The following KCNAB1 variants were observed in gnomAD, a reference collection of about 807,000 sequenced individuals.
KCNAB1 encodes potassium voltage-gated channel subfamily A regulatory beta subunit 1, also known as voltage-gated potassium channel subunit beta-1.
KCNAB1 carries 35 observed loss-of-function variants against 64.6 expected under a neutral mutation model. The ratio of observed to expected loss-of-function variants is 0.54; its 90% CI spans 0.41 to 0.72. The LOEUF is 0.72. KCNAB1 is among the 30% of genes least tolerant of loss of function. The pLI, the probability that KCNAB1 is intolerant of heterozygous loss-of-function variation, is 0.00. For synonymous variants in KCNAB1, 177 were observed against 183.8 expected, an observed-to-expected ratio of 0.96 and a Z score of 0.30; for missense variants, 401 against 512.9, an observed-to-expected ratio of 0.78 and a Z score of 2.11.
At position 156,538,221 on chromosome 3, in the gene KCNAB1, CATTT is replaced by C. The variant is rs1015383842; in HGVS notation, c.*1476_*1479del. 6 of 151,872 alleles carry C rather than the reference CATTT, an allele frequency of 4.0e-5. No individual in the cohort carries two copies. The highest frequency in any genetic ancestry group is 1.5e-4 in the African/African-American group (6 of 41,378). The allele number at this position is 151,872 out of a possible 1,614,324, so 9.4% of individuals were successfully genotyped here. On this transcript the variant is annotated 3_prime_UTR_variant, in exon 14 of 14. Coordinates refer to ENST00000490337, the MANE Select transcript of KCNAB1 (RefSeq NM_172160.3). Reference sequence around the variant, plus strand: ...GCTATCTGAGGATGTACAAAATTCTCATTTAATTTTCTGGTCAGCAAGTTCCCCA... The same window carrying C: ...GCTATCTGAGGATGTACAAAATTCTCAATTTTCTGGTCAGCAAGTTCCCCA...
At chr3:156,485,751 C>T (rs1715158962) in intron 8 of KCNAB1, among the ~76,000 whole-genome samples, 1 of 152,086 alleles carries the variant, frequency 6.6e-6, no homozygotes, top group African/African-American at 2.4e-5. Context: ...CTGCCACCCT[C>T]CCCTCTTTTG....
chr3:156,243,050 C>T (rs879738514), intron 1 of KCNAB1, among the ~76,000 whole-genome samples: 8 of 151,886 alleles, frequency 5.3e-5, no homozygotes, highest in Non-Finnish European at 7.4e-5. Context: ...GCTGAGATTA[C>T]AGGCATGTGC....
intron 1 of KCNAB1, among the ~76,000 whole-genome samples, chr3:156,233,374 G>A (rs1009219049): frequency 2.0e-5 from 3 of 152,118 alleles, no homozygotes; most frequent in Non-Finnish European, 4.4e-5. Context: ...AAGACCCAAA[G>A]GAGATAGGAA....
At chr3:156,467,489 A>G (rs940642218) in intron 7 of KCNAB1, among the ~76,000 whole-genome samples, 29 of 152,116 alleles carry the variant, frequency 1.9e-4, no homozygotes, top group African/African-American at 6.5e-4. Flanking sequence ...ATAGATAAGG[A>G]AGCCAGGTTC....
intron 1 of KCNAB1, among the ~76,000 whole-genome samples, chr3:156,218,801 A>AAAAATAAT (rs371264941): frequency 8.9e-5 from 10 of 112,206 alleles, no homozygotes; most frequent in Non-Finnish European, 1.2e-4. Context: ...AAAAAAAAAA[A>AAAAATAAT]AATAATAATA....
intron 1 of KCNAB1, among the ~76,000 whole-genome samples, chr3:156,145,770 T>C (rs1429098111): frequency 6.6e-6 from 1 of 152,210 alleles, no homozygotes; most frequent in East Asian, 1.9e-4. Flanking sequence ...AAATGTCTAA[T>C]ACAGTAGGTG....
intron 1 of KCNAB1, among the ~76,000 whole-genome samples, chr3:156,168,950 A>G (rs1711782523): frequency 6.6e-6 from 1 of 152,188 alleles, no homozygotes; most frequent in Non-Finnish European, 1.5e-5. Context: ...ACTCTGATGA[A>G]GATGTTCTTT....
At chr3:156,422,540 G>C (rs1029504878) in intron 2 of KCNAB1, among the ~76,000 whole-genome samples, 1 of 152,220 alleles carries the variant, frequency 6.6e-6, no homozygotes, top group African/African-American at 2.4e-5. Context: ...GATGAAGTAT[G>C]AGTAAATGAG....
chr3:156,416,556 G>A (rs1036581299), intron 1 of KCNAB1, among the ~76,000 whole-genome samples: 2 of 151,598 alleles, frequency 1.3e-5, no homozygotes, highest in Admixed American at 1.3e-4. Context: ...GCTTTCTGAG[G>A]GTCCCAATTT....
intron 1 of KCNAB1, among the ~76,000 whole-genome samples, chr3:156,370,537 G>A (rs536479024): frequency 1.8e-4 from 28 of 152,218 alleles, no homozygotes; most frequent in Non-Finnish European, 3.2e-4. Context: ...TGAGGGTTCT[G>A]ATGTGGCATT....
chr3:156,329,117 A>G (rs3755627), intron 1 of KCNAB1, among the ~76,000 whole-genome samples: 3 of 151,946 alleles, frequency 2.0e-5, no homozygotes, highest in African/African-American at 7.3e-5. Flanking sequence ...TCAACTTGAG[A>G]TCTCTAATAT....
chr3:156,487,799 C>G (rs999125667), intron 8 of KCNAB1, among the ~76,000 whole-genome samples: 1 of 151,988 alleles, frequency 6.6e-6, no homozygotes, highest in South Asian at 2.1e-4. Flanking sequence ...ACCCAATAAC[C>G]ACTTTAAAAT....
chr3:156,211,984 G>C (rs1715035939), intron 1 of KCNAB1, among the ~76,000 whole-genome samples: 1 of 152,198 alleles, frequency 6.6e-6, no homozygotes, highest in African/African-American at 2.4e-5. Context: ...GGCTAATGTG[G>C]CTGCACAGAG....
chr3:156,297,081 A>G (rs1398405616), intron 1 of KCNAB1, among the ~76,000 whole-genome samples: 3 of 152,122 alleles, frequency 2.0e-5, no homozygotes, highest in Non-Finnish European at 4.4e-5. Context: ...CCACCACCAC[A>G]ATGAAGAATC....
chr3:156,358,669 ATT>A (rs60051624), intron 1 of KCNAB1, among the ~76,000 whole-genome samples: 3 of 148,596 alleles, frequency 2.0e-5, no homozygotes, highest in Non-Finnish European at 3.0e-5. Context: ...TTCTCTTTCC[ATT>A]TTTTTTTTTA....
intron 1 of KCNAB1, among the ~76,000 whole-genome samples, chr3:156,150,175 A>G (rs1034230019): frequency 6.6e-6 from 1 of 152,200 alleles, no homozygotes; most frequent in Non-Finnish European, 1.5e-5. Context: ...TGAAACCTGA[A>G]TAGGCTGCTG....
intron 1 of KCNAB1, among the ~76,000 whole-genome samples, chr3:156,323,408 T>C (rs757232097): frequency 1.2e-4 from 18 of 152,188 alleles, no homozygotes; most frequent in Non-Finnish European, 2.2e-4. Flanking sequence ...TTTGTGTTTA[T>C]TTACATCATC....
chr3:156,497,406 T>C (rs554447465), intron 8 of KCNAB1, among the ~76,000 whole-genome samples: 177 of 152,372 alleles, frequency 1.2e-3, no homozygotes, highest in African/African-American at 4.2e-3. Context: ...AATATTTTTT[T>C]ACTCTTATCA....
At chr3:156,316,030 C>T (rs1403908670) in intron 1 of KCNAB1, among the ~76,000 whole-genome samples, 1 of 152,176 alleles carries the variant, frequency 6.6e-6, no homozygotes, top group African/African-American at 2.4e-5. Context: ...ACAGAGAGAT[C>T]TATATCTTAA....
Sources: gnomAD v4.1 joint callset for allele counts (sites outside exome capture counted in the v4.1 genomes callset) on GRCh38, gnomAD v4.1.1 for gene constraint, MANE v1.5 for transcripts, NCBI Gene and HGNC (gene_info 2026-07-23, HGNC 2026-07-21) for gene names.